CAPN2: variants seen among roughly 807,000 people sequenced by gnomAD.
CAPN2 encodes calpain 2, also known as calpain-2 catalytic subunit.
In CAPN2, 92 loss-of-function variants were observed where a neutral mutation model predicts 102.3. The observed-to-expected ratio is 0.90, with a 90% confidence interval of 0.76 to 1.07. The LOEUF (loss-of-function observed/expected upper bound fraction) is 1.07, where lower values mean the gene tolerates loss of function less well. Ranked by LOEUF, CAPN2 falls within the 50% of genes least tolerant of loss-of-function variation. The pLI, the probability that CAPN2 is intolerant of heterozygous loss-of-function variation, is 0.00. For synonymous variants in CAPN2, 340 were observed against 355.4 expected (o/e 0.96, Z 0.49); for missense variants, 800 against 909.4 (o/e 0.88, Z 1.55).
intron 2 of CAPN2, among the ~76,000 whole-genome samples, chr1:223,735,670 A>G (rs979069423): frequency 6.6e-6 from 1 of 152,164 alleles, no homozygotes; most frequent in African/African-American, 2.4e-5. Context: ...TGAAGGCTCA[A>G]CGTGGCTGTG....
intron 2 of CAPN2, among the ~76,000 whole-genome samples, chr1:223,742,498 GTATATA>G (rs1553254399): frequency 2.4e-5 from 3 of 127,274 alleles, no homozygotes; most frequent in Non-Finnish European, 3.3e-5. Flanking sequence ...ATATATGTGT[GTATATA>G]TATATATATA....
chr1:223,731,466 T>C lies in CAPN2; in HGVS notation c.308-12634T>C, dbSNP rs1660332851. On this transcript the variant is annotated intron_variant, in intron 2 of 20. Coordinates refer to ENST00000295006, the MANE Select transcript of CAPN2 (RefSeq NM_001748.5). The surrounding 1 kb of genome is among the most constrained non-coding windows in gnomAD (Gnocchi z 4.2). ...CTCACCCAGCTCCCCGCTCTAAGCC[T>C]TCCTCGCCCACCCCAGCCCTCCTAC... Among the ~76,000 whole-genome samples, 1 of 152,020 alleles carries C rather than the reference T, an allele frequency of 6.6e-6. No individual in the cohort carries two copies.
In CAPN2 at chr1:223,756,610, G is replaced by A. The variant is rs1372171008; in HGVS notation, c.1306-759G>A. Among the ~76,000 whole-genome samples the A allele has an allele frequency of 6.6e-6, 1 of 152,150 alleles. No individual in the cohort carries two copies. Among genetic ancestry groups the A allele is most frequent in the Admixed American group, 6.5e-5 (1 of 15,278 alleles). On this transcript the variant is annotated intron_variant, in intron 10 of 20. Transcript: ENST00000295006. The surrounding 1 kb of genome is among the most constrained non-coding windows in gnomAD (Gnocchi z 4.1). ...TGGGAGAATCCAGACGAGGTGTCAG[G>A]AGAGGAGGCTCTGTGCTCACCACTG...
intron 2 of CAPN2, among the ~76,000 whole-genome samples, chr1:223,728,710 A>C (rs1432816592): frequency 6.6e-6 from 1 of 151,986 alleles, no homozygotes; most frequent in Non-Finnish European, 1.5e-5. Context: ...TTAGCTCTTC[A>C]TGGTTTGCGG....
At position 223,755,746 on chromosome 1, in the gene CAPN2, C is replaced by A; in HGVS notation, c.1305+97C>A. The A allele has an allele frequency of 8.0e-7, 1 of 1,245,660 alleles. No homozygotes were observed. The highest frequency in any genetic ancestry group is 1.1e-6 in the Non-Finnish European group (1 of 918,744). 77.2% of individuals were successfully genotyped at this position (1,245,660 alleles called of 1,614,324 possible). On this transcript the variant is annotated intron_variant, in intron 10 of 20. Coordinates refer to ENST00000295006, the MANE Select transcript of CAPN2 (RefSeq NM_001748.5). This position sits in a 1 kb window ranked among gnomAD's most constrained non-coding sequence, Gnocchi z 4.1. ...CCAGAGGCAGAACTGGGGATGGGAT[C>A]CCAGACCGGGAGCTTGGCCAAGGAA...
chr1:223,772,092 C>A, intron 19 of CAPN2, 89 bp from the exon 20 acceptor site: 1 of 1,264,252 alleles, frequency 7.9e-7, no homozygotes, highest in Non-Finnish European at 1.2e-6. Flanking sequence ...GTATGGTGGT[C>A]AGTGAAGTCA....
Position 223,772,238 on chromosome 1 carries a change from CTG to C in CAPN2, c.2079+2_2079+3del, listed in dbSNP as rs1368859808. The stretch of plus-strand genomic sequence containing the variant: ...GGAACAATAGAGCTCGACCTTATCT[CTG>C]TGAGTCAGCAGGCCCCGCCTTGCTT... On this transcript the variant is annotated splice_donor_variant and coding_sequence_variant, in exon 20 of 21. Transcript: ENST00000295006. LOFTEE classifies it high-confidence loss of function. 1 of 1,613,694 alleles carries C rather than the reference CTG, an allele frequency of 6.2e-7. No homozygotes were observed. The highest frequency in any genetic ancestry group is 8.5e-7 in the Non-Finnish European group (1 of 1,179,794).
At chr1:223,735,526 TAAA>T (rs566489022) in intron 2 of CAPN2, among the ~76,000 whole-genome samples, 8 of 131,480 alleles carry the variant, frequency 6.1e-5, no homozygotes, top group East Asian at 2.3e-4. Flanking sequence ...AGACTCTATC[TAAA>T]AAAAAAAAAA....
Position 223,747,178 on chromosome 1 carries a change from T to C in CAPN2, c.729+13T>C. ...CTGCTCCATCGACGTAAGTCCAGGC[T>C]GCCTTCCCTAGCCTCACCCCATCTG... On this transcript the variant is annotated intron_variant, in intron 5 of 20. Coordinates refer to ENST00000295006, the MANE Select transcript of CAPN2 (RefSeq NM_001748.5). The C allele has an allele frequency of 6.2e-7, 1 of 1,608,272 alleles. No individual in the cohort carries two copies. Among genetic ancestry groups the C allele is most frequent in the Non-Finnish European group, 8.5e-7 (1 of 1,176,354 alleles).
chr1:223,722,887 A>G (rs1043160159), intron 2 of CAPN2, among the ~76,000 whole-genome samples: 7 of 152,166 alleles, frequency 4.6e-5, no homozygotes, highest in African/African-American at 1.4e-4. Flanking sequence ...CCAGGACCCC[A>G]CGTTTCATTT....
At chr1:223,730,220 G>GA (rs1395114282) in intron 2 of CAPN2, among the ~76,000 whole-genome samples, 16 of 151,908 alleles carry the variant, frequency 1.1e-4, no homozygotes, top group African/African-American at 3.9e-4. Flanking sequence ...TTCAGGATCA[G>GA]AAAAAGACCT....
chr1:223,717,974 G>T (rs551719850), intron 2 of CAPN2, 143 bp downstream of exon 2: 35 of 679,698 alleles, frequency 5.1e-5, no homozygotes, highest in African/African-American at 4.2e-4. Context: ...GAATTTCTTG[G>T]CCCTAGCGGG....
At chr1:223,769,778 C>CA (rs1661424041) in intron 16 of CAPN2, 63 bp from the exon 17 acceptor site, 1 of 1,252,032 alleles carries the variant, frequency 8.0e-7, no homozygotes, top group Non-Finnish European at 1.2e-6. Flanking sequence ...GTTGAGAAGA[C>CA]AAACTAGGTG....
At chr1:223,760,877 G>A (rs1450656515) in intron 12 of CAPN2, among the ~76,000 whole-genome samples, 1 of 152,160 alleles carries the variant, frequency 6.6e-6, no homozygotes, top group African/African-American at 2.4e-5. Context: ...CCAGGCATTG[G>A]CCCTGCTGAT....
intron 2 of CAPN2, among the ~76,000 whole-genome samples, chr1:223,724,148 C>T (rs1429601140): frequency 6.6e-6 from 1 of 152,218 alleles, no homozygotes; most frequent in African/African-American, 2.4e-5. Context: ...TCCTCGACAG[C>T]CCCCTGCACC....
At chr1:223,723,902 T>C (rs1183599199) in intron 2 of CAPN2, among the ~76,000 whole-genome samples, 1 of 119,746 alleles carries the variant, frequency 8.4e-6, no homozygotes, top group African/African-American at 3.6e-5. Flanking sequence ...CCACAGGGCG[T>C]GCAAAGTGGG....
In CAPN2 at chr1:223,712,654, C is replaced by G. The variant is rs1659761977; in HGVS notation, c.14C>G (p.Ala5Gly). 1 of 1,533,364 alleles carries G rather than the reference C, an allele frequency of 6.5e-7. No individual in the cohort carries two copies. Among genetic ancestry groups the G allele is most frequent in the Non-Finnish European group, 8.8e-7 (1 of 1,140,744 alleles). 95.0% of individuals were successfully genotyped at this position (1,533,364 alleles called of 1,614,324 possible). The change falls in exon 1 of 21, where the codon GCG (alanine) becomes GGG (glycine). Residue 5 changes from alanine (A) to glycine (G), a missense_variant. Ala to Gly is a moderately conservative substitution (Grantham distance 60). Coordinates refer to ENST00000295006, the MANE Select transcript of CAPN2 (RefSeq NM_001748.5). MAGI[A>G]AKLAKDREAA... ...CGGGACCGCAGCATGGCGGGCATCG[C>G]GGCCAAGCTGGCGAAGGACCGGGAG...
chr1:223,707,657 C>T (rs1659641629), upstream of CAPN2, among the ~76,000 whole-genome samples: 1 of 152,186 alleles, frequency 6.6e-6, no homozygotes, highest in African/African-American at 2.4e-5. Flanking sequence ...AAGCAGAGCT[C>T]TATGTGCGCA....
intron 2 of CAPN2, among the ~76,000 whole-genome samples, chr1:223,736,669 G>T (rs1450615040): frequency 6.6e-6 from 1 of 152,140 alleles, no homozygotes; most frequent in African/African-American, 2.4e-5. Context: ...TCACACGAGA[G>T]CATTTAAATC....
Sources: gnomAD v4.1 joint callset for allele counts (sites outside exome capture counted in the v4.1 genomes callset) on GRCh38, gnomAD v4.1.1 for gene constraint, Gnocchi (gnomAD v3.1) non-coding constraint, MANE v1.5 for transcripts, NCBI Gene and HGNC (gene_info 2026-07-23, HGNC 2026-07-21) for gene names.